CDH12: variants seen among roughly 807,000 people sequenced by gnomAD.
CDH12 encodes the protein cadherin-12.
Under a neutral mutation model 74.1 loss-of-function variants are expected in CDH12, and 41 were observed. That is an observed-to-expected ratio of 0.55 (90% CI 0.43 to 0.72). The LOEUF (loss-of-function observed/expected upper bound fraction) is 0.72. Ranked by LOEUF, CDH12 falls within the 30% of genes least tolerant of loss-of-function variation. CDH12 has a pLI of 0.00. For missense variants in CDH12, 945 were observed against 977.2 expected (o/e 0.97, Z 0.44); for synonymous variants, 399 against 355.0 (o/e 1.12, Z -1.39).
chr5:22,582,023 A>C (rs1009628909), intron 1 of CDH12, among the ~76,000 whole-genome samples: 1 of 152,154 alleles, frequency 6.6e-6, no homozygotes, highest in African/African-American at 2.4e-5. Context: ...GGGTAGAGGT[A>C]GTATGTATGT....
At chr5:21,913,071 G>T (rs1237299982) in intron 6 of CDH12, among the ~76,000 whole-genome samples, 2 of 152,100 alleles carry the variant, frequency 1.3e-5, no homozygotes, top group Non-Finnish European at 2.9e-5. Flanking sequence ...TCAAACTCCT[G>T]ACCTCATGTG....
chr5:22,646,382 G>A (rs1409766698), intron 1 of CDH12, among the ~76,000 whole-genome samples: 1 of 151,742 alleles, frequency 6.6e-6, no homozygotes, highest in Non-Finnish European at 1.5e-5. Context: ...ACTCAGGCAT[G>A]AATTGGTTAT....
intron 10 of CDH12, among the ~76,000 whole-genome samples, chr5:21,794,718 C>T (rs1746686489): frequency 6.6e-6 from 1 of 151,576 alleles, no homozygotes; most frequent in Non-Finnish European, 1.5e-5. Flanking sequence ...TTTAGAGGTA[C>T]TTTGAGTCCT....
At chr5:22,635,728 A>G (rs971615460) in intron 1 of CDH12, among the ~76,000 whole-genome samples, 2 of 152,134 alleles carry the variant, frequency 1.3e-5, no homozygotes, top group Non-Finnish European at 2.9e-5. Context: ...GGCCTGACCA[A>G]CATGGTGAAA....
chr5:21,832,864 CAT>C (rs72101921), intron 8 of CDH12, among the ~76,000 whole-genome samples: 44,672 of 70,988 alleles, frequency 0.63, 11,455 homozygotes, highest in Non-Finnish European at 0.66. Flanking sequence ...TGATATATAT[CAT>C]ATGATATATG....
At chr5:22,173,671 G>A (rs115033674) in intron 4 of CDH12, among the ~76,000 whole-genome samples, 8,270 of 151,712 alleles carry the variant, frequency 0.055, 246 homozygotes, top group Non-Finnish European at 0.062. Context: ...TTGTTTGTCT[G>A]CTGTGTGCTG....
In CDH12 at chr5:21,863,654, A is replaced by G. The variant is rs371294511; in HGVS notation, c.527-8864T>C. On this transcript the variant is annotated intron_variant, in intron 6 of 14. Transcript: ENST00000382254. Reference sequence around the variant, plus strand: ...TATGATCTTTAGAGTCATTTTCAATACTAAATTGGGGGTTCTGCTGATATT... The same window carrying G: ...TATGATCTTTAGAGTCATTTTCAATGCTAAATTGGGGGTTCTGCTGATATT... Among the ~76,000 whole-genome samples, 21 of 152,274 alleles carry G rather than the reference A, an allele frequency of 1.4e-4. No individual in the cohort carries two copies. The East Asian group carries it at 2.3e-3, about 17-fold the overall frequency.
At position 22,116,958 on chromosome 5, in the gene CDH12, T is replaced by C. The variant is rs542473294; in HGVS notation, c.-186-38096A>G. ...GATTGCTCTGATACATATTTTTTTT[T>C]CCCTCTTTTTTCTTTTTTCCTGTTG... On this transcript the variant is annotated intron_variant, in intron 4 of 14. Transcript: ENST00000382254. 3.2e-3 allele frequency among the ~76,000 whole-genome samples: 480 copies of C among 150,676 alleles called. 9 individuals are homozygous for C. Among genetic ancestry groups the C allele is most frequent in the African/African-American group, 0.011 (460 of 40,922 alleles).
chr5:21,755,751 G>A lies in CDH12; in HGVS notation c.1725C>T (p.Ser575=), dbSNP rs1266596333. The A allele has an allele frequency of 1.7e-5, 27 of 1,613,944 alleles. No homozygotes were observed. Among genetic ancestry groups the A allele is most frequent in the Non-Finnish European group, 2.3e-5 (27 of 1,179,968 alleles). The stretch of plus-strand genomic sequence containing the variant: ...TGTTTGTGCTGCTCTGGACAGGGTA[G>A]CTGCTGTCTTCTATTACAACAGGGA... ...YFLPVVIEDS[S]YPVQSSTNTM... Residue 575 remains serine, a synonymous_variant, in exon 14 of 15, where the codon AGC becomes AGT. Coordinates refer to ENST00000382254, the MANE Select transcript of CDH12 (RefSeq NM_004061.5).
chr5:21,967,328 G>A (rs1020466155), intron 6 of CDH12, among the ~76,000 whole-genome samples: 2 of 152,036 alleles, frequency 1.3e-5, no homozygotes, highest in African/African-American at 4.8e-5. Flanking sequence ...GAGCAAACAA[G>A]GAAAAATAGT....
chr5:22,377,217 C>T lies in CDH12; in HGVS notation c.-333+28040G>A, dbSNP rs113709202. Among the ~76,000 whole-genome samples, 468 of 152,224 alleles carry T rather than the reference C, an allele frequency of 3.1e-3. 6 individuals are homozygous for T. The highest frequency in any genetic ancestry group is 0.011 in the African/African-American group (451 of 41,538). ...CTTTTAATCCTACAGTTCTTCCATC[C>T]ACAATTGTATATGCAAAATAAACTG... On this transcript the variant is annotated intron_variant, in intron 3 of 14. Coordinates refer to ENST00000382254, the MANE Select transcript of CDH12 (RefSeq NM_004061.5).
intron 5 of CDH12, among the ~76,000 whole-genome samples, chr5:22,066,241 G>A (rs1295092434): frequency 6.6e-6 from 1 of 152,094 alleles, no homozygotes; most frequent in Non-Finnish European, 1.5e-5. Context: ...GGTGATTTGT[G>A]AGATTTTGGT....
At chr5:21,883,106 TATG>T in intron 6 of CDH12, 1 of 1,596,932 alleles carries the variant, frequency 6.3e-7, no homozygotes, top group Non-Finnish European at 8.6e-7. Flanking sequence ...CACAGGTTGC[TATG>T]ATTTCTGCAA....
intron 1 of CDH12, among the ~76,000 whole-genome samples, chr5:22,757,936 T>G (rs1405666411): frequency 6.6e-6 from 1 of 152,128 alleles, no homozygotes; most frequent in African/African-American, 2.4e-5. Flanking sequence ...CATCATGAAG[T>G]GGGGAGGGGT....
At chr5:22,842,779 A>G (rs946468837) in intron 1 of CDH12, among the ~76,000 whole-genome samples, 3 of 152,134 alleles carry the variant, frequency 2.0e-5, no homozygotes, top group Non-Finnish European at 2.9e-5. Context: ...AGAGGTTTTA[A>G]TATTTTTGCG....
At chr5:22,775,595 A>G (rs1417148976) in intron 1 of CDH12, among the ~76,000 whole-genome samples, 2 of 152,244 alleles carry the variant, frequency 1.3e-5, no homozygotes, top group South Asian at 2.1e-4. Flanking sequence ...ATTGGGGTAA[A>G]TGTTATAACT....
At chr5:22,359,638 C>A (rs1411664906) in intron 3 of CDH12, among the ~76,000 whole-genome samples, 1 of 152,180 alleles carries the variant, frequency 6.6e-6, no homozygotes, top group African/African-American at 2.4e-5. Flanking sequence ...TTCTTCTCAG[C>A]ACCACATTGC....
intron 2 of CDH12, among the ~76,000 whole-genome samples, chr5:22,494,307 C>T (rs552843845): frequency 9.2e-5 from 14 of 152,258 alleles, no homozygotes; most frequent in Middle Eastern, 3.4e-3. Context: ...TGTGTCTAAA[C>T]GGTCCTGGTG....
intron 1 of CDH12, among the ~76,000 whole-genome samples, chr5:22,632,806 G>A (rs1738654202): frequency 6.6e-6 from 1 of 151,742 alleles, no homozygotes; most frequent in Non-Finnish European, 1.5e-5. Context: ...ATTAATCTCT[G>A]CCACCAAGAC....
Sources: allele counts gnomAD v4.1 joint callset (sites outside exome capture counted in the v4.1 genomes callset), GRCh38; gene constraint gnomAD v4.1.1; transcripts MANE v1.5; gene names NCBI Gene and HGNC (gene_info 2026-07-23, HGNC 2026-07-21).